WWOX: variants seen among roughly 807,000 people sequenced by gnomAD.
The protein encoded by WWOX is WW domain containing oxidoreductase.
WWOX carries 69 observed loss-of-function variants against 46.2 expected under a neutral mutation model. The ratio of observed to expected loss-of-function variants is 1.49; its 90% CI spans 1.23 to 1.82. WWOX has a LOEUF of 1.82. WWOX is among the 40% of genes most tolerant of loss of function. The probability of loss-of-function intolerance (pLI) is 0.00; values close to 1 mark genes in which losing one functional copy is unlikely to be tolerated. For synonymous variants in WWOX, 359 were observed against 202.6 expected (o/e 1.77, Z -6.56); for missense variants, 919 against 542.6 (o/e 1.69, Z -6.89).
intron 4 of WWOX, among the ~76,000 whole-genome samples, chr16:78,155,952 C>G (rs1456863512): frequency 6.6e-6 from 1 of 152,186 alleles, no homozygotes. Flanking sequence ...GTGTTATTGT[C>G]CTTCCTGTTA....
intron 8 of WWOX, among the ~76,000 whole-genome samples, chr16:78,735,424 C>T (rs1402885962): frequency 6.6e-6 from 1 of 151,436 alleles, no homozygotes; most frequent in Non-Finnish European, 1.5e-5. Flanking sequence ...CACACACACA[C>T]ACTAATATGG....
At chr16:79,006,153 A>G (rs1479525631) in intron 8 of WWOX, among the ~76,000 whole-genome samples, 3 of 152,178 alleles carry the variant, frequency 2.0e-5, no homozygotes, top group South Asian at 2.1e-4. Context: ...GAGCGCTGAG[A>G]TTGAACTACA....
At chr16:78,535,267 G>A (rs573323287) in intron 8 of WWOX, 1 of 152,356 alleles carries the variant, frequency 6.6e-6, no homozygotes, top group East Asian at 1.9e-4. Context: ...AATGATCAGT[G>A]ATGGGGACCA....
intron 8 of WWOX, among the ~76,000 whole-genome samples, chr16:78,774,732 A>G (rs1418818617): frequency 6.6e-6 from 1 of 152,032 alleles, no homozygotes; most frequent in Non-Finnish European, 1.5e-5. Flanking sequence ...ACACACACAC[A>G]TACACACACA....
intron 6 of WWOX, among the ~76,000 whole-genome samples, chr16:78,394,865 T>G (rs1450414411): frequency 6.6e-6 from 1 of 152,124 alleles, no homozygotes; most frequent in Non-Finnish European, 1.5e-5. Context: ...AACGTGGGTG[T>G]TGGGGGTCAA....
chr16:79,081,255 C>T (rs1303988432), intron 8 of WWOX, among the ~76,000 whole-genome samples: 1 of 152,124 alleles, frequency 6.6e-6, no homozygotes, highest in South Asian at 2.1e-4. Flanking sequence ...CTTCTGCCTC[C>T]CGTGTTCAAG....
intron 8 of WWOX, among the ~76,000 whole-genome samples, chr16:79,065,454 C>G (rs2048424131): frequency 6.6e-6 from 1 of 152,096 alleles, no homozygotes; most frequent in African/African-American, 2.4e-5. Context: ...GAAAATGGTC[C>G]TCGTGCACTG....
chr16:79,021,799 C>T (rs1468767046), intron 8 of WWOX, among the ~76,000 whole-genome samples: 2 of 152,170 alleles, frequency 1.3e-5, no homozygotes, highest in African/African-American at 4.8e-5. Context: ...CACAGACCCT[C>T]AGATTAAGGA....
intron 8 of WWOX, among the ~76,000 whole-genome samples, chr16:78,515,800 C>T (rs1480995796): frequency 6.6e-6 from 1 of 152,212 alleles, no homozygotes; most frequent in Non-Finnish European, 1.5e-5. Flanking sequence ...ACAGGGTCTT[C>T]TTCCAATAAG....
At chr16:78,897,396 A>G (rs1254342943) in intron 8 of WWOX, 6 of 152,068 alleles carry the variant, frequency 3.9e-5, no homozygotes, top group Non-Finnish European at 7.4e-5. Context: ...TACCTGTTCT[A>G]GAACTTCATT....
intron 4 of WWOX, among the ~76,000 whole-genome samples, chr16:78,159,370 C>T (rs1187940628): frequency 2.6e-5 from 4 of 152,020 alleles, no homozygotes; most frequent in South Asian, 2.1e-4. Context: ...ATTCTTGTTT[C>T]GTTTTTTGAG....
At chr16:78,575,871 A>T (rs998608450) in intron 8 of WWOX, among the ~76,000 whole-genome samples, 9 of 152,010 alleles carry the variant, frequency 5.9e-5, no homozygotes, top group Admixed American at 1.3e-4. Flanking sequence ...CATGTAAAAA[A>T]ATCAATTTTC....
At chr16:79,071,743 A>C (rs1292533379) in intron 8 of WWOX, among the ~76,000 whole-genome samples, 1 of 152,214 alleles carries the variant, frequency 6.6e-6, no homozygotes, top group Non-Finnish European at 1.5e-5. Context: ...TGCTTCAAGT[A>C]ATTGATCTGT....
In WWOX at chr16:78,128,588, C is replaced by T. The variant is rs1025312216; in HGVS notation, c.409+13434C>T. 3.3e-5 allele frequency among the ~76,000 whole-genome samples: 5 copies of T among 152,164 alleles called. 1 individual carries two copies. The highest frequency in any genetic ancestry group is 3.8e-4 in the East Asian group (2 of 5,200). On this transcript the variant is annotated intron_variant, in intron 4 of 8. Coordinates refer to ENST00000566780, the MANE Select transcript of WWOX (RefSeq NM_016373.4). ...TACTGATTGGGGATTCAGACACAAA[C>T]GGGATGCTCCTTGCTTATATAACAT...
At chr16:78,108,324 A>G (rs966372075) in intron 1 of WWOX, 99 bp from the exon 2 acceptor site, 217 of 1,212,856 alleles carry the variant, frequency 1.8e-4, no homozygotes, top group Non-Finnish European at 2.4e-4. Context: ...CTTCCTTCTT[A>G]TATCTGGCTA....
Position 78,164,008 on chromosome 16 carries a change from C to A in WWOX, c.410-175C>A, listed in dbSNP as rs777827626. 3.3e-5 allele frequency among the ~76,000 whole-genome samples: 5 copies of A among 152,216 alleles called. No individual in the cohort carries two copies. The East Asian group carries it at 7.7e-4, about 24-fold the overall frequency. On this transcript the variant is annotated intron_variant, in intron 4 of 8. Transcript: ENST00000566780. Reference sequence around the variant, plus strand: ...ACTAGATGCCAGTAGGACTCTACCCCACAACTGTGGCCACTGAAAATGTCT... The same window carrying A: ...ACTAGATGCCAGTAGGACTCTACCCAACAACTGTGGCCACTGAAAATGTCT...
intron 8 of WWOX, among the ~76,000 whole-genome samples, chr16:78,725,344 CTTTTTTT>C (rs1220702069): frequency 4.8e-5 from 3 of 61,874 alleles, no homozygotes; most frequent in Admixed American, 2.4e-4. Flanking sequence ...CTTTTCTTTT[CTTTTTTT>C]TTTTTTTTTT....
intron 5 of WWOX, among the ~76,000 whole-genome samples, chr16:78,319,710 C>A (rs1226738930): frequency 6.6e-6 from 1 of 152,162 alleles, no homozygotes; most frequent in African/African-American, 2.4e-5. Context: ...TGCGTAGGTT[C>A]ATTTAACCAC....
chr16:78,766,288 G>A (rs891842855), intron 8 of WWOX, among the ~76,000 whole-genome samples: 16 of 152,114 alleles, frequency 1.1e-4, no homozygotes, highest in South Asian at 8.3e-4. Context: ...CCTGTGTGTC[G>A]CTAGCCTTAT....
Sources: gnomAD v4.1 joint callset for allele counts (sites outside exome capture counted in the v4.1 genomes callset) on GRCh38, gnomAD v4.1.1 for gene constraint, MANE v1.5 for transcripts, NCBI Gene and HGNC (gene_info 2026-07-23, HGNC 2026-07-21) for gene names.